Variants in TGFBR3 observed in about 807,000 individuals in gnomAD.
TGFBR3 encodes the protein transforming growth factor beta receptor type 3.
In TGFBR3, 46 loss-of-function variants were observed where a neutral mutation model predicts 87.9. That is an observed-to-expected ratio of 0.52 (90% CI 0.41 to 0.67). TGFBR3 has a LOEUF of 0.67. TGFBR3 is among the 30% of genes least tolerant of loss of function. The pLI is 0.00. For synonymous variants in TGFBR3, 381 were observed against 391.6 expected (o/e 0.97, Z 0.32); for missense variants, 866 against 1,041.9 (o/e 0.83, Z 2.32).
chr1:91,685,397 A>G (rs959819909), intron 16 of TGFBR3, among the ~76,000 whole-genome samples: 6 of 135,754 alleles, frequency 4.4e-5, no homozygotes, highest in African/African-American at 1.7e-4. Flanking sequence ...ATCTTGGCTC[A>G]CTGCAACCTC....
chr1:91,685,383 C>T (rs1273130265), intron 16 of TGFBR3, among the ~76,000 whole-genome samples: 2 of 135,614 alleles, frequency 1.5e-5, no homozygotes, highest in Non-Finnish European at 3.0e-5. Context: ...ACTGCAGTGG[C>T]ATGATCTTGG....
chr1:91,800,711 A>T (rs1396275232), intron 2 of TGFBR3, among the ~76,000 whole-genome samples: 2 of 152,228 alleles, frequency 1.3e-5, no homozygotes, highest in East Asian at 3.9e-4. Context: ...ACAAAAAAAA[A>T]AAATCAGGAA....
chr1:91,847,736 G>A lies in TGFBR3; in HGVS notation c.61+13735C>T, dbSNP rs555957923. Among the ~76,000 whole-genome samples the A allele has an allele frequency of 1.2e-4, 18 of 151,858 alleles. No individual in the cohort carries two copies. The East Asian group carries it at 2.3e-3, about 20-fold the overall frequency. ...AGTCCCTAACTCCAGAGCCACCCTC[G>A]CTAACCCACCTAAAGTCCCCCTTTT... On this transcript the variant is annotated intron_variant, in intron 2 of 16. Transcript: ENST00000212355.
At chr1:91,875,687 A>C (rs1418572561) in intron 1 of TGFBR3, among the ~76,000 whole-genome samples, 1 of 151,050 alleles carries the variant, frequency 6.6e-6, no homozygotes, top group South Asian at 2.1e-4. Flanking sequence ...CAGGAGTTCA[A>C]GACCAGCCTG....
intron 1 of TGFBR3, among the ~76,000 whole-genome samples, chr1:91,901,957 G>A (rs957375859): frequency 8.0e-5 from 11 of 136,772 alleles, no homozygotes; most frequent in South Asian, 2.4e-4. Flanking sequence ...AAAAAAAAAC[G>A]GTATGTGTTC....
intron 5 of TGFBR3, 54 bp from the exon 6 acceptor site, chr1:91,730,027 T>C: frequency 6.2e-7 from 1 of 1,604,012 alleles, no homozygotes; most frequent in Admixed American, 1.7e-5. Flanking sequence ...GGTAACCAGA[T>C]TCAAAGGAAG....
chr1:91,697,693 G>A (rs1234965965), intron 15 of TGFBR3, among the ~76,000 whole-genome samples: 2 of 152,176 alleles, frequency 1.3e-5, no homozygotes, highest in African/African-American at 4.8e-5. Flanking sequence ...TTAGCATTAC[G>A]CCTCTGAGCA....
In TGFBR3 at chr1:91,682,694, T is replaced by C. The variant is rs145149335; in HGVS notation, c.*1045A>G. 2.2e-6 allele frequency: 1 copy of C among 453,968 alleles called. No homozygotes were observed. The highest frequency in any genetic ancestry group is 6.9e-5 in the East Asian group (1 of 14,390). 28.1% of individuals were successfully genotyped at this position (453,968 alleles called of 1,614,324 possible). A position where few individuals can be genotyped will look rare whatever the true frequency, so the allele number is the denominator to read the frequency against. Reference sequence around the variant, plus strand: ...ACAGTTTGGTTTTTATGAAAGGGCCTATTTTTTTTTAAGTTGACATATTTT... The same window carrying C: ...ACAGTTTGGTTTTTATGAAAGGGCCCATTTTTTTTTAAGTTGACATATTTT... On this transcript the variant is annotated 3_prime_UTR_variant, in exon 17 of 17. Transcript: ENST00000212355.
chr1:91,690,757 CA>C (rs552973945), intron 16 of TGFBR3, among the ~76,000 whole-genome samples: 1 of 151,546 alleles, frequency 6.6e-6, no homozygotes, highest in Non-Finnish European at 1.5e-5. Context: ...AAGCAGGAGG[CA>C]AAAAAACATA....
chr1:91,758,576 T>C, intron 4 of TGFBR3, 37 bp downstream of exon 4: 2 of 1,613,140 alleles, frequency 1.2e-6, no homozygotes, highest in Middle Eastern at 1.7e-4. Flanking sequence ...TATGTCCTTG[T>C]GCTAAGGATC....
chr1:91,855,760 T>C (rs1571576617), intron 2 of TGFBR3, among the ~76,000 whole-genome samples: 1 of 152,190 alleles, frequency 6.6e-6, no homozygotes, highest in Non-Finnish European at 1.5e-5. Context: ...CTTAAGCCCA[T>C]AGTATCAAGC....
intron 3 of TGFBR3, among the ~76,000 whole-genome samples, chr1:91,790,552 T>G (rs763351285): frequency 6.6e-6 from 1 of 152,198 alleles, no homozygotes; most frequent in Non-Finnish European, 1.5e-5. Flanking sequence ...CCAGAACAGC[T>G]TCCTTTTAAA....
chr1:91,839,689 A>G (rs1451780493), intron 2 of TGFBR3, among the ~76,000 whole-genome samples: 1 of 152,176 alleles, frequency 6.6e-6, no homozygotes, highest in East Asian at 1.9e-4. Context: ...AGTAGTTCCC[A>G]AAGCGTCAAG....
intron 4 of TGFBR3, among the ~76,000 whole-genome samples, chr1:91,744,590 C>G: frequency 6.6e-6 from 1 of 152,078 alleles, no homozygotes; most frequent in Non-Finnish European, 1.5e-5. Flanking sequence ...GAAAACATCT[C>G]AAGCCCAACG....
At chr1:91,738,698 G>A (rs1673047048) in intron 4 of TGFBR3, among the ~76,000 whole-genome samples, 1 of 152,178 alleles carries the variant, frequency 6.6e-6, no homozygotes, top group Non-Finnish European at 1.5e-5. Context: ...CCAGTCTCAA[G>A]TATTTCTTTT....
At chr1:91,855,684 C>T (rs569762319) in intron 2 of TGFBR3, among the ~76,000 whole-genome samples, 6 of 152,202 alleles carry the variant, frequency 3.9e-5, no homozygotes, top group African/African-American at 1.2e-4. Flanking sequence ...GCCTGGAAAG[C>T]AGATATTTTC....
intron 2 of TGFBR3, among the ~76,000 whole-genome samples, chr1:91,860,561 G>A (rs933780854): frequency 1.3e-5 from 2 of 152,138 alleles, no homozygotes; most frequent in South Asian, 2.1e-4. Flanking sequence ...TGGTGTGGGA[G>A]ATCCGATACT....
intron 2 of TGFBR3, among the ~76,000 whole-genome samples, chr1:91,822,120 C>T (rs541398551): frequency 2.3e-4 from 35 of 151,940 alleles, no homozygotes; most frequent in African/African-American, 8.5e-4. Context: ...GACCTATTAC[C>T]ATATGGGGTA....
chr1:91,861,426 T>A (rs768676885), intron 2 of TGFBR3, 45 bp downstream of exon 2: 1 of 1,447,928 alleles, frequency 6.9e-7, no homozygotes, highest in East Asian at 2.3e-5. Context: ...ACAAAATATA[T>A]CCAAAAATAT....
Sources: allele counts gnomAD v4.1 joint callset (sites outside exome capture counted in the v4.1 genomes callset), GRCh38; gene constraint gnomAD v4.1.1; transcripts MANE v1.5; gene names NCBI Gene and HGNC (gene_info 2026-07-23, HGNC 2026-07-21).